RASAL2: variants seen among roughly 807,000 people sequenced by gnomAD.
RASAL2 encodes the protein RAS protein activator like 2.
RASAL2 carries 58 observed loss-of-function variants against 128.9 expected under a neutral mutation model. That is an observed-to-expected ratio of 0.45 (90% CI 0.36 to 0.56). The LOEUF (loss-of-function observed/expected upper bound fraction) is 0.56. RASAL2 is among the 20% of genes least tolerant of loss of function. The probability of loss-of-function intolerance (pLI) is 0.00; values close to 1 mark genes in which losing one functional copy is unlikely to be tolerated. For synonymous variants in RASAL2, 561 were observed against 580.8 expected (o/e 0.97, Z 0.49); for missense variants, 1,360 against 1,601.6 (o/e 0.85, Z 2.57).
chr1:178,166,182 G>A (rs907227250), intron 1 of RASAL2, among the ~76,000 whole-genome samples: 6 of 152,106 alleles, frequency 3.9e-5, no homozygotes, highest in African/African-American at 1.4e-4. Flanking sequence ...TGGATTGTGT[G>A]TTTGTGGTCA....
rs186581575 is a variant in RASAL2 at position 178,296,355 on chromosome 1, C to T, written c.331-3637C>T. On this transcript the variant is annotated intron_variant, in intron 2 of 17. Coordinates refer to ENST00000367649, the MANE Select transcript of RASAL2 (RefSeq NM_170692.4). ...TAAAATGGAATGAAATTAAAGTGCT[C>T]GGTTTTGTTTGTTTGTTTTTGAGAG... is the stretch of plus-strand genomic sequence containing the variant. 2.4e-3 allele frequency among the ~76,000 whole-genome samples: 369 copies of T among 151,778 alleles called. 5 individuals are homozygous for T. The highest frequency in any genetic ancestry group is 7.8e-3 in the African/African-American group (324 of 41,378).
rs575826679 is a variant in RASAL2, at chr1:178,437,157, G to A, written c.675-2265G>A. Among the ~76,000 whole-genome samples the A allele has an allele frequency of 6.1e-4, 93 of 152,214 alleles. 1 individual carries two copies. Among genetic ancestry groups the A allele is most frequent in the African/African-American group, 2.2e-3 (91 of 41,544 alleles). On this transcript the variant is annotated intron_variant, in intron 5 of 17. Transcript: ENST00000367649. ...TTGTTTGTTACCTGAGGGGCTGGGT[G>A]CAGCCTGAAGGAATAGAATAAGGAA... is the stretch of plus-strand genomic sequence containing the variant.
chr1:178,456,708 T>C lies in RASAL2; in HGVS notation c.2212-13T>C. 6.2e-7 allele frequency: 1 copy of C among 1,613,916 alleles called. No homozygotes were observed. Among genetic ancestry groups the C allele is most frequent in the Non-Finnish European group, 8.5e-7 (1 of 1,179,864 alleles). On this transcript the variant is annotated splice_polypyrimidine_tract_variant and intron_variant, in intron 12 of 17. Coordinates refer to ENST00000367649, the MANE Select transcript of RASAL2 (RefSeq NM_170692.4). ...GCTTATTATCCAATTAGGGTGAAAA[T>C]TCCTTCCTACAGGCGACCGTGGCAA... is the stretch of plus-strand genomic sequence containing the variant.
chr1:178,274,540 A>C (rs1557870505), intron 1 of RASAL2, among the ~76,000 whole-genome samples: 1 of 152,198 alleles, frequency 6.6e-6, no homozygotes, highest in Non-Finnish European at 1.5e-5. Flanking sequence ...TAGTAATATA[A>C]TACTATGGTC....
In RASAL2 at chr1:178,402,797, T is replaced by C. The variant is rs560472686; in HGVS notation, c.564+12591T>C. ...CCCCCCTCCATCTCTGATGCTGTTA[T>C]TCTTAGAGTCCTAGAAATGAGAGAT... is the stretch of plus-strand genomic sequence containing the variant. On this transcript the variant is annotated intron_variant, in intron 4 of 17. Transcript: ENST00000367649. 1.1e-4 allele frequency among the ~76,000 whole-genome samples: 16 copies of C among 152,302 alleles called. No homozygotes were observed. The East Asian group carries it at 2.9e-3, about 28-fold the overall frequency.
Position 178,312,822 on chromosome 1 carries a change from G to A in RASAL2, c.457+12704G>A, listed in dbSNP as rs547361465. ...ATATCTAAGCAAATGAATAATACAA[G>A]AGAACACTATAAGAGAAACAAAAAA... is the stretch of plus-strand genomic sequence containing the variant. On this transcript the variant is annotated intron_variant, in intron 3 of 17. Coordinates refer to ENST00000367649, the MANE Select transcript of RASAL2 (RefSeq NM_170692.4). Among the ~76,000 whole-genome samples the A allele has an allele frequency of 2.7e-4, 41 of 152,292 alleles. 1 individual carries two copies. The highest frequency in any genetic ancestry group is 9.9e-4 in the African/African-American group (41 of 41,578).
At chr1:178,110,448 G>A (rs1162168353) in intron 1 of RASAL2, among the ~76,000 whole-genome samples, 2 of 149,798 alleles carry the variant, frequency 1.3e-5, no homozygotes, top group African/African-American at 4.9e-5. Context: ...CTAATACAAT[G>A]TAAATTCTAT....
At chr1:178,167,853 G>A (rs549435978) in intron 1 of RASAL2, among the ~76,000 whole-genome samples, 4 of 152,038 alleles carry the variant, frequency 2.6e-5, no homozygotes, top group South Asian at 4.1e-4. Flanking sequence ...GGACCCGTGC[G>A]ATTAAAACCT....
At chr1:178,355,909 G>A (rs923122147) in intron 3 of RASAL2, among the ~76,000 whole-genome samples, 2 of 152,166 alleles carry the variant, frequency 1.3e-5, no homozygotes, top group African/African-American at 2.4e-5. Context: ...GGTGGCTCAC[G>A]CCTGTAATCC....
intron 3 of RASAL2, among the ~76,000 whole-genome samples, chr1:178,383,952 G>C (rs1672415753): frequency 6.6e-6 from 1 of 152,098 alleles, no homozygotes; most frequent in South Asian, 2.1e-4. Context: ...CAAACAGTTT[G>C]GTTTGTATTC....
At chr1:178,179,868 A>G (rs1662026356) in intron 1 of RASAL2, among the ~76,000 whole-genome samples, 1 of 152,172 alleles carries the variant, frequency 6.6e-6, no homozygotes, top group African/African-American at 2.4e-5. Context: ...ATAATAAATA[A>G]CAATCTTGTT....
intron 1 of RASAL2, among the ~76,000 whole-genome samples, chr1:178,264,119 C>T (rs1019943530): frequency 6.6e-6 from 1 of 152,084 alleles, no homozygotes; most frequent in African/African-American, 2.4e-5. Context: ...ACCTTGTAAC[C>T]AGCATTTCTT....
At chr1:178,103,815 C>T (rs1202704859) in intron 1 of RASAL2, among the ~76,000 whole-genome samples, 1 of 151,992 alleles carries the variant, frequency 6.6e-6, no homozygotes, top group African/African-American at 2.4e-5. Flanking sequence ...TTTCATTTTT[C>T]TTATGGTATT....
chr1:178,366,590 CCCG>C (rs66981820), intron 3 of RASAL2, among the ~76,000 whole-genome samples: 13,749 of 101,318 alleles, frequency 0.14, 1,424 homozygotes, highest in African/African-American at 0.2. Flanking sequence ...CCCACCCCCC[CCCG>C]CCAAAAAAAA....
At chr1:178,154,549 C>T (rs1661018238) in intron 1 of RASAL2, among the ~76,000 whole-genome samples, 1 of 152,146 alleles carries the variant, frequency 6.6e-6, no homozygotes, top group African/African-American at 2.4e-5. Flanking sequence ...TTCTCCACGT[C>T]CTTGACAACA....
chr1:178,183,679 G>A (rs534339913), intron 1 of RASAL2, among the ~76,000 whole-genome samples: 14 of 152,062 alleles, frequency 9.2e-5, no homozygotes, highest in Non-Finnish European at 2.1e-4. Flanking sequence ...TCATTCCTTT[G>A]CATCACTGAA....
At chr1:178,360,907 G>A (rs1278955315) in intron 3 of RASAL2, among the ~76,000 whole-genome samples, 1 of 152,144 alleles carries the variant, frequency 6.6e-6, no homozygotes, top group East Asian at 1.9e-4. Context: ...AAGGAAAAGT[G>A]TACTTCACTA....
intron 1 of RASAL2, among the ~76,000 whole-genome samples, chr1:178,145,565 A>AAT (rs533916216): frequency 9.2e-4 from 139 of 151,760 alleles, no homozygotes; most frequent in South Asian, 2.9e-3. Context: ...AAAAAAAAAA[A>AAT]AAAAAGGGGG....
intron 4 of RASAL2, among the ~76,000 whole-genome samples, chr1:178,408,161 G>A (rs1674108174): frequency 6.6e-6 from 1 of 152,116 alleles, no homozygotes; most frequent in Non-Finnish European, 1.5e-5. Flanking sequence ...TTTAAGACTT[G>A]TAAATGGTAG....
Sources: allele counts gnomAD v4.1 joint callset (sites outside exome capture counted in the v4.1 genomes callset), GRCh38; gene constraint gnomAD v4.1.1; transcripts MANE v1.5; gene names NCBI Gene and HGNC (gene_info 2026-07-23, HGNC 2026-07-21).